NDUFA3: variants seen among roughly 807,000 people sequenced by gnomAD.
The protein encoded by NDUFA3 is NADH dehydrogenase [ubiquinone] 1 alpha subcomplex subunit 3.
Under a neutral mutation model 11.4 loss-of-function variants are expected in NDUFA3, and 10 were observed. The ratio of observed to expected loss-of-function variants is 0.87; its 90% CI spans 0.54 to 1.48. NDUFA3 has a LOEUF of 1.48. NDUFA3 is among the 40% of genes most tolerant of loss of function. The pLI is 0.00. For missense variants in NDUFA3, 115 were observed against 110.5 expected, an observed-to-expected ratio of 1.04 and a Z score of -0.18; for synonymous variants, 39 against 46.9, an observed-to-expected ratio of 0.83 and a Z score of 0.68.
chr19:54,103,610 C>T (rs982156580), intron 2 of NDUFA3, among the ~76,000 whole-genome samples: 38 of 152,218 alleles, frequency 2.5e-4, no homozygotes, highest in African/African-American at 9.1e-4. Context: ...TGCCCTCTGC[C>T]CTGGAACTGC....
intron 2 of NDUFA3, among the ~76,000 whole-genome samples, chr19:54,104,995 C>T (rs927696033): frequency 2.0e-5 from 3 of 152,220 alleles, no homozygotes; most frequent in East Asian, 3.9e-4. Context: ...GTCTCAGCCT[C>T]CTAAAGTCCT....
Position 54,107,164 on chromosome 19 carries a change from C to G in NDUFA3, c.*262C>G. ...CTTCAAAGCCAAAGTCTTCCTCAAC[C>G]TTAATCTGCAGGAGATAAGGAACAA... is the stretch of plus-strand genomic sequence containing the variant. On this transcript the variant is annotated 3_prime_UTR_variant, in exon 4 of 4. Coordinates refer to ENST00000485876, the MANE Select transcript of NDUFA3 (RefSeq NM_004542.4). 1 of 1,613,400 alleles carries G rather than the reference C, an allele frequency of 6.2e-7. No homozygotes were observed.
At chr19:54,106,544 CCAT>C (rs2073266034) in intron 3 of NDUFA3, 2 of 450,958 alleles carry the variant, frequency 4.4e-6, no homozygotes, top group Admixed American at 8.1e-5. Flanking sequence ...TTCTTGGTCT[CCAT>C]CTTCTCAGGT....
chr19:54,104,135 CTT>C (rs58827171), intron 2 of NDUFA3, among the ~76,000 whole-genome samples: 37,632 of 88,576 alleles, frequency 0.42, 6,674 homozygotes, highest in Non-Finnish European at 0.46. Flanking sequence ...GCCCGGCCAG[CTT>C]TTTTTTTTTT....
At position 54,107,066 on chromosome 19, in the gene NDUFA3, C is replaced by T; in HGVS notation, c.*164C>T. The T allele has an allele frequency of 6.2e-7, 1 of 1,613,794 alleles. No homozygotes were observed. Among genetic ancestry groups the T allele is most frequent in the Non-Finnish European group, 8.5e-7 (1 of 1,179,920 alleles). ...GGGCATGCGTCAGTCAGAGGCTGGG[C>T]TGGCCAGGGTCGGGTAGGGCAGCAG... On this transcript the variant is annotated 3_prime_UTR_variant, in exon 4 of 4. Transcript: ENST00000485876.
rs374519847 is a variant in NDUFA3 at position 54,103,444 on chromosome 19, T to C, written c.85+256T>C. Among the ~76,000 whole-genome samples the C allele has an allele frequency of 1.5e-4, 23 of 152,208 alleles. No individual in the cohort carries two copies. In the East Asian group the frequency reaches 4.1e-3, roughly 27 times the overall value. ...TCAACCCTGCTTATGCCTTAACACC[T>C]GAGCACCAAAAAAAAGTCCAGATCC... is the stretch of plus-strand genomic sequence containing the variant. On this transcript the variant is annotated intron_variant, in intron 2 of 3. Transcript: ENST00000485876.
chr19:54,106,372 T>C (rs186635833), intron 3 of NDUFA3: 1 of 374,738 alleles, frequency 2.7e-6, no homozygotes, highest in Non-Finnish European at 4.9e-6. Context: ...GGTTTCACCG[T>C]GTTAGCCAGG....
rs1166618264 is a variant in NDUFA3, at chr19:54,107,046, T to C, written c.*144T>C. On this transcript the variant is annotated 3_prime_UTR_variant, in exon 4 of 4. Transcript: ENST00000485876. Reference sequence around the variant, plus strand: ...GAGTGTGGGGTCAGTTTATTGGGCATGCGTCAGTCAGAGGCTGGGCTGGCC... The same window carrying C: ...GAGTGTGGGGTCAGTTTATTGGGCACGCGTCAGTCAGAGGCTGGGCTGGCC... The C allele has an allele frequency of 6.2e-7, 1 of 1,613,284 alleles. No homozygotes were observed. The highest frequency in any genetic ancestry group is 8.5e-7 in the Non-Finnish European group (1 of 1,179,802).
chr19:54,105,617 C>T, intron 2 of NDUFA3: 1 of 601,008 alleles, frequency 1.7e-6, no homozygotes, highest in South Asian at 1.5e-5. Flanking sequence ...TGACACTACC[C>T]CCAGGATGCT....
At chr19:54,105,786 C>T (rs867072964) in intron 2 of NDUFA3, 148 bp from the exon 3 acceptor site, 12 of 726,934 alleles carry the variant, frequency 1.7e-5, no homozygotes, top group Middle Eastern at 2.4e-4. Flanking sequence ...GTAGGGATCC[C>T]AAGGTACCAA....
In NDUFA3 at chr19:54,103,377, C is replaced by T. The variant is rs201058185; in HGVS notation, c.85+189C>T. Among the ~76,000 whole-genome samples the T allele has an allele frequency of 2.0e-5, 3 of 152,126 alleles. No homozygotes were observed. The East Asian group carries it at 5.8e-4, about 29-fold the overall frequency. On this transcript the variant is annotated intron_variant, in intron 2 of 3. Transcript: ENST00000485876. ...CACCATCGCCCCCCGCGTTCCTCTC[C>T]ACCTACCCAATACGCTCTTAACCCC...
Position 54,106,928 on chromosome 19 carries a change from CT to C in NDUFA3, c.*27del. 6.2e-7 allele frequency: 1 copy of C among 1,602,388 alleles called. No individual in the cohort carries two copies. The highest frequency in any genetic ancestry group is 8.5e-7 in the Non-Finnish European group (1 of 1,174,150). ...GCACCTCCACTGACAGAGGCGGCCC[CT>C]CCCACGGCTCCCAATAAAAATGTGA... is the stretch of plus-strand genomic sequence containing the variant. On this transcript the variant is annotated 3_prime_UTR_variant, in exon 4 of 4. Coordinates refer to ENST00000485876, the MANE Select transcript of NDUFA3 (RefSeq NM_004542.4).
In NDUFA3 at chr19:54,105,914, AC is replaced by A; in HGVS notation, c.86-16del. Reference sequence around the variant, plus strand: ...TCAGAGCCACCTTCCCCTGGGCCTCACCCCTGTGTCTCTCCACAGCTGTAAT... The same window carrying A: ...TCAGAGCCACCTTCCCCTGGGCCTCACCCTGTGTCTCTCCACAGCTGTAAT... On this transcript the variant is annotated intron_variant, in intron 2 of 3. Coordinates refer to ENST00000485876, the MANE Select transcript of NDUFA3 (RefSeq NM_004542.4). The A allele has an allele frequency of 4.4e-6, 7 of 1,595,178 alleles. No homozygotes were observed. The highest frequency in any genetic ancestry group is 6.0e-6 in the Non-Finnish European group (7 of 1,163,324).
chr19:54,107,024 T>A lies in NDUFA3; in HGVS notation c.*122T>A. ...ACAAGTAGACGGTGGCCGGGGTGAG[T>A]GTGGGGTCAGTTTATTGGGCATGCG... is the stretch of plus-strand genomic sequence containing the variant. On this transcript the variant is annotated 3_prime_UTR_variant, in exon 4 of 4. Transcript: ENST00000485876. The A allele has an allele frequency of 1.2e-6, 2 of 1,605,662 alleles. No homozygotes were observed. The highest frequency in any genetic ancestry group is 1.7e-6 in the Non-Finnish European group (2 of 1,175,724).
Position 54,107,070 on chromosome 19 carries a change from C to A in NDUFA3, c.*168C>A. On this transcript the variant is annotated 3_prime_UTR_variant, in exon 4 of 4. Coordinates refer to ENST00000485876, the MANE Select transcript of NDUFA3 (RefSeq NM_004542.4). Reference sequence around the variant, plus strand: ...ATGCGTCAGTCAGAGGCTGGGCTGGCCAGGGTCGGGTAGGGCAGCAGTTTG... The same window carrying A: ...ATGCGTCAGTCAGAGGCTGGGCTGGACAGGGTCGGGTAGGGCAGCAGTTTG... 9 of 1,613,794 alleles carry A rather than the reference C, an allele frequency of 5.6e-6. No homozygotes were observed. Among genetic ancestry groups the A allele is most frequent in the Non-Finnish European group, 7.6e-6 (9 of 1,179,938 alleles).
chr19:54,106,135 C>T lies in NDUFA3; in HGVS notation c.163+124C>T. 3 of 854,526 alleles carry T rather than the reference C, an allele frequency of 3.5e-6. No homozygotes were observed. The South Asian group carries it at 4.6e-5, about 13-fold the overall frequency. The allele number at this position is 854,526 out of a possible 1,614,324, so 52.9% of individuals were successfully genotyped here. A position where few individuals can be genotyped will look rare whatever the true frequency, so the allele number is the denominator to read the frequency against. ...GATTCTGCAGTGGTGCCCGGACCCC[C>T]CGTTCCATTTTTTAAGAATTGAGAT... On this transcript the variant is annotated intron_variant, in intron 3 of 3. Coordinates refer to ENST00000485876, the MANE Select transcript of NDUFA3 (RefSeq NM_004542.4).
rs988629515 is a variant in NDUFA3, at chr19:54,107,048, C to T, written c.*146C>T. The T allele has an allele frequency of 5.0e-6, 8 of 1,613,212 alleles. No individual in the cohort carries two copies. Among genetic ancestry groups the T allele is most frequent in the Non-Finnish European group, 5.9e-6 (7 of 1,179,744 alleles). On this transcript the variant is annotated 3_prime_UTR_variant, in exon 4 of 4. Coordinates refer to ENST00000485876, the MANE Select transcript of NDUFA3 (RefSeq NM_004542.4). ...GTGTGGGGTCAGTTTATTGGGCATGCGTCAGTCAGAGGCTGGGCTGGCCAG... is the reference window on the plus strand; with the variant it reads ...GTGTGGGGTCAGTTTATTGGGCATGTGTCAGTCAGAGGCTGGGCTGGCCAG...
intron 3 of NDUFA3, 92 bp from the exon 4 acceptor site, chr19:54,106,719 C>A: frequency 8.9e-7 from 1 of 1,124,084 alleles, no homozygotes; most frequent in Non-Finnish European, 1.2e-6. Context: ...TGGGGTCCCC[C>A]TTCCCTCTCT....
chr19:54,106,221 C>T, intron 3 of NDUFA3: 1 of 577,048 alleles, frequency 1.7e-6, no homozygotes. Context: ...TTTTTTGAGA[C>T]AGAGTCTCGC....
Sources: gnomAD v4.1 joint callset for allele counts (sites outside exome capture counted in the v4.1 genomes callset) on GRCh38, gnomAD v4.1.1 for gene constraint, MANE v1.5 for transcripts, NCBI Gene and HGNC (gene_info 2026-07-23, HGNC 2026-07-21) for gene names.